SPTBN2: variants seen among roughly 807,000 people sequenced by gnomAD.
The protein encoded by SPTBN2 is spectrin beta chain, non-erythrocytic 2.
In SPTBN2, 107 loss-of-function variants were observed where a neutral mutation model predicts 284.2. That is an observed-to-expected ratio of 0.38 (90% CI 0.32 to 0.44). The LOEUF (loss-of-function observed/expected upper bound fraction) is 0.44. Among genes scored for constraint, SPTBN2 ranks in the 20% least tolerant of loss-of-function variants. The pLI is 1.00. For missense variants in SPTBN2, 2,569 were observed against 3,287.1 expected (o/e 0.78, Z 5.34); for synonymous variants, 1,289 against 1,354.8 (o/e 0.95, Z 1.07).
At chr11:66,716,358 C>T (rs1942149394) in intron 3 of SPTBN2, among the ~76,000 whole-genome samples, 1 of 151,902 alleles carries the variant, frequency 6.6e-6, no homozygotes, top group South Asian at 2.1e-4. Flanking sequence ...TGGCGGGCGC[C>T]TGTAGTCCCA....
chr11:66,719,665 G>C (rs767207825), intron 3 of SPTBN2, among the ~76,000 whole-genome samples: 3 of 151,956 alleles, frequency 2.0e-5, no homozygotes, highest in African/African-American at 4.8e-5. Context: ...GGCATGGTGA[G>C]AGTCCTGGGA....
At position 66,715,794 on chromosome 11, in the gene SPTBN2, A is replaced by C. The variant is rs12805133; in HGVS notation, c.309+36T>G. 1.5e-5 allele frequency: 24 copies of C among 1,609,918 alleles called. No individual in the cohort carries two copies. The Admixed American group carries it at 4.0e-4, about 27-fold the overall frequency. On this transcript the variant is annotated intron_variant, in intron 4 of 37. Transcript: ENST00000533211. This position sits in a 1 kb window ranked among gnomAD's most constrained non-coding sequence, Gnocchi z 5.3. The stretch of plus-strand genomic sequence containing the variant: ...AGCTGGTCCCCTTGGACACTTTTCT[A>C]AGGCCCCCCCACTTCCCTTCATGAC...
upstream of SPTBN2, among the ~76,000 whole-genome samples, chr11:66,731,184 C>T (rs1942810054): frequency 6.6e-6 from 1 of 152,154 alleles, no homozygotes; most frequent in African/African-American, 2.4e-5. Flanking sequence ...TATGATTTTA[C>T]CGTATTATTT....
intron 1 of SPTBN2, among the ~76,000 whole-genome samples, chr11:66,734,368 A>C (rs1461437769): frequency 6.6e-6 from 1 of 152,112 alleles, no homozygotes; most frequent in African/African-American, 2.4e-5. Context: ...CTTGGGACAA[A>C]GTCCAAAGTT....
In SPTBN2 at chr11:66,700,482, A is replaced by G; in HGVS notation, c.3573+44T>C. The G allele has an allele frequency of 6.3e-7, 1 of 1,598,708 alleles. No individual in the cohort carries two copies. The highest frequency in any genetic ancestry group is 8.5e-7 in the Non-Finnish European group (1 of 1,179,700). ...CTCCTTCACATTTCCCCGGGTCCCT[A>G]CTTTGCTCTTCCTCCTGCTTGGGAC... On this transcript the variant is annotated intron_variant, in intron 17 of 37. Coordinates refer to ENST00000533211, the MANE Select transcript of SPTBN2 (RefSeq NM_006946.4). The surrounding 1 kb of genome is among the most constrained non-coding windows in gnomAD (Gnocchi z 6.6).
intron 16 of SPTBN2, 70 bp downstream of exon 16, chr11:66,701,514 C>T (rs2135418478): frequency 1.2e-6 from 2 of 1,612,516 alleles, no homozygotes; most frequent in Non-Finnish European, 1.7e-6. Flanking sequence ...CCTACAAAAC[C>T]TGCCTCTCAC....
chr11:66,702,937 C>CAAAAAAAAAA (rs1170116245), intron 15 of SPTBN2, among the ~76,000 whole-genome samples: 1 of 42,606 alleles, frequency 2.3e-5, no homozygotes, highest in Non-Finnish European at 3.8e-5. Context: ...GACTCCGTCT[C>CAAAAAAAAAA]AAAAAAAAAA....
At chr11:66,725,036 G>C (rs1369522567) in intron 1 of SPTBN2, among the ~76,000 whole-genome samples, 1 of 152,226 alleles carries the variant, frequency 6.6e-6, no homozygotes, top group Non-Finnish European at 1.5e-5. Context: ...CCAGGAGAAA[G>C]TATGGAGCTA....
rs557607754 is a variant in SPTBN2, at chr11:66,723,979, T to C, written c.-113-2539A>G. 7.2e-5 allele frequency among the ~76,000 whole-genome samples: 11 copies of C among 152,214 alleles called. No individual in the cohort carries two copies. The East Asian group carries it at 2.1e-3, about 29-fold the overall frequency. ...ATGGACATCTCCAGCACTCAAACTC[T>C]CTCTGCACAGACCTGCCCACAAAAA... On this transcript the variant is annotated intron_variant, in intron 1 of 37. Coordinates refer to ENST00000533211, the MANE Select transcript of SPTBN2 (RefSeq NM_006946.4).
At position 66,698,961 on chromosome 11, in the gene SPTBN2, G is replaced by T; in HGVS notation, c.3867+31C>A. On this transcript the variant is annotated intron_variant, in intron 19 of 37. Coordinates refer to ENST00000533211, the MANE Select transcript of SPTBN2 (RefSeq NM_006946.4). ...GCTCAAGGTGAGAAAGGGATGGCTA[G>T]GGAATATCCCGGGGCCCCAGGGAGC... is the stretch of plus-strand genomic sequence containing the variant. 1.9e-6 allele frequency: 3 copies of T among 1,612,238 alleles called. No homozygotes were observed. The South Asian group carries it at 3.3e-5, about 18-fold the overall frequency.
Position 66,715,519 on chromosome 11 carries a change from C to A in SPTBN2, c.310-124G>T. ...ACCTCAGGAACACAGACAGGCACAG[C>A]CCCAGGGCTGGAGCCAAAGCTGAGC... On this transcript the variant is annotated intron_variant, in intron 4 of 37. Coordinates refer to ENST00000533211, the MANE Select transcript of SPTBN2 (RefSeq NM_006946.4). The surrounding 1 kb of genome is among the most constrained non-coding windows in gnomAD (Gnocchi z 5.3). The A allele has an allele frequency of 7.5e-7, 1 of 1,332,938 alleles. No homozygotes were observed. The highest frequency in any genetic ancestry group is 1.0e-6 in the Non-Finnish European group (1 of 981,028). 82.6% of individuals were successfully genotyped at this position (1,332,938 alleles called of 1,614,324 possible).
Position 66,688,163 on chromosome 11 carries a change from T to C in SPTBN2, c.6374+6A>G, listed in dbSNP as rs376056474. On this transcript the variant is annotated splice_donor_region_variant and intron_variant, in intron 32 of 37. Coordinates refer to ENST00000533211, the MANE Select transcript of SPTBN2 (RefSeq NM_006946.4). The stretch of plus-strand genomic sequence containing the variant: ...CCTCCTCCTACCCAGGCATCCTGGC[T>C]CTCACCCGTCCCAGGTGGTGTCAGA... The C allele has an allele frequency of 1.9e-6, 3 of 1,613,464 alleles. No individual in the cohort carries two copies. The highest frequency in any genetic ancestry group is 1.7e-6 in the Non-Finnish European group (2 of 1,180,022).
In SPTBN2 at chr11:66,700,696, G is replaced by C; in HGVS notation, c.3403C>G (p.Gln1135Glu). 1 of 1,605,692 alleles carries C rather than the reference G, an allele frequency of 6.2e-7. No homozygotes were observed. The highest frequency in any genetic ancestry group is 8.5e-7 in the Non-Finnish European group (1 of 1,179,888). The stretch of plus-strand genomic sequence containing the variant: ...AGGAAGAGGCACTGGGGGTCAGCCT[G>C]GTCCCGGGTCACCTCCTCGCCCAGG... ...RALGEEVTRD[Q>E]ADPQCLFLRQ... The change falls in exon 17 of 38, where the codon CAG (glutamine) becomes GAG (glutamate). Residue 1135 changes from glutamine (Q) to glutamate (E), a missense_variant. Gln to Glu is a conservative substitution (Grantham distance 29). Around this residue, in one of 6 missense-constraint regions of SPTBN2, gnomAD observed 1,012 missense variants for 1,248.9 expected, o/e 0.81. Transcript: ENST00000533211. The surrounding 1 kb of genome is among the most constrained non-coding windows in gnomAD (Gnocchi z 6.6).
upstream of SPTBN2, among the ~76,000 whole-genome samples, chr11:66,734,148 A>G (rs191472674): frequency 1.2e-4 from 18 of 152,118 alleles, no homozygotes; most frequent in Admixed American, 1.2e-3. Flanking sequence ...GTTTTCCTTC[A>G]ACCCTTGTGG....
rs1016885682 is a variant in SPTBN2 at position 66,693,565 on chromosome 11, G to T, written c.4594-119C>A. ...CCTGGGTCCTCTGCTCCCTCTCCTA[G>T]CCTGGGGGTGCGATGGTAACACCCG... On this transcript the variant is annotated intron_variant, in intron 23 of 37. Transcript: ENST00000533211. The surrounding 1 kb of genome is among the most constrained non-coding windows in gnomAD (Gnocchi z 5.7). 1.3e-6 allele frequency: 2 copies of T among 1,488,420 alleles called. No homozygotes were observed. The highest frequency in any genetic ancestry group is 9.0e-7 in the Non-Finnish European group (1 of 1,105,890). 92.2% of individuals were successfully genotyped at this position (1,488,420 alleles called of 1,614,324 possible).
At position 66,688,828 on chromosome 11, in the gene SPTBN2, C is replaced by G. The variant is rs1565111787; in HGVS notation, c.6056G>C (p.Gly2019Ala). The G allele has an allele frequency of 6.2e-7, 1 of 1,612,422 alleles. No homozygotes were observed. Among genetic ancestry groups the G allele is most frequent in the East Asian group, 2.2e-5 (1 of 44,878 alleles). Residue 2019 changes from glycine to alanine, a missense_variant, in exon 31 of 38, where the codon GGA (glycine) becomes GCA (alanine). Physicochemically the swap from Gly to Ala is moderately conservative, Grantham distance 60. Transcript: ENST00000533211. Reference sequence around the variant, plus strand: ...GGCCTCTGCCATCCCTGCATCTCTTCCAAACACAAGCACCTCCAAAACTGG... The same window carrying G: ...GGCCTCTGCCATCCCTGCATCTCTTGCAAACACAAGCACCTCCAAAACTGG... ...LQLVLEVLVF[G>A]RDAGMAEAWL...
intron 28 of SPTBN2, 45 bp downstream of exon 28, chr11:66,689,994 C>T (rs1448936605): frequency 1.2e-6 from 2 of 1,614,224 alleles, no homozygotes; most frequent in Non-Finnish European, 1.7e-6. Context: ...CCCATCACAG[C>T]CCAGCCACAC....
At chr11:66,717,279 A>G (rs1204385678) in intron 3 of SPTBN2, among the ~76,000 whole-genome samples, 1 of 152,158 alleles carries the variant, frequency 6.6e-6, no homozygotes, top group Non-Finnish European at 1.5e-5. Flanking sequence ...TAAGTGACAA[A>G]GTGAAAGCAT....
chr11:66,688,324 G>A lies in SPTBN2; in HGVS notation c.6232-13C>T, dbSNP rs757132849. 6.4e-6 allele frequency: 10 copies of A among 1,569,280 alleles called. No individual in the cohort carries two copies. Among genetic ancestry groups the A allele is most frequent in the Non-Finnish European group, 8.6e-6 (10 of 1,156,966 alleles). On this transcript the variant is annotated splice_polypyrimidine_tract_variant and intron_variant, in intron 31 of 37. Transcript: ENST00000533211. ...CCCGCTCCTCTAGCTGTCAAAAAAT[G>A]CTGCATTCAGCGTGTAGAAGGTTGC... is the stretch of plus-strand genomic sequence containing the variant.
Sources: allele counts gnomAD v4.1 joint callset (sites outside exome capture counted in the v4.1 genomes callset), GRCh38; gene constraint gnomAD v4.1.1; regional missense constraint gnomAD v4.1.1; non-coding constraint Gnocchi (gnomAD v3.1); transcripts MANE v1.5; gene names NCBI Gene and HGNC (gene_info 2026-07-23, HGNC 2026-07-21).